Variants in GPHN observed in about 807,000 individuals in gnomAD.
GPHN encodes gephyrin.
GPHN carries 17 observed loss-of-function variants against 95.5 expected under a neutral mutation model. The observed-to-expected ratio is 0.18, with a 90% confidence interval of 0.12 to 0.27. GPHN has a LOEUF of 0.27. Ranked by LOEUF, GPHN falls within the 10% of genes least tolerant of loss-of-function variation. The probability of loss-of-function intolerance (pLI) is 1.00; values close to 1 mark genes in which losing one functional copy is unlikely to be tolerated. For synonymous variants in GPHN, 320 were observed against 322.5 expected (o/e 0.99, Z 0.08); for missense variants, 660 against 978.1 (o/e 0.67, Z 4.34).
chr14:66,687,584 G>T (rs2067471942), intron 2 of GPHN, among the ~76,000 whole-genome samples: 2 of 150,554 alleles, frequency 1.3e-5, no homozygotes, highest in South Asian at 4.2e-4. Context: ...TCGCCTCCTG[G>T]GTTCAAGCGG....
intron 3 of GPHN, among the ~76,000 whole-genome samples, chr14:66,809,524 T>C (rs1401360992): frequency 1.3e-5 from 2 of 152,196 alleles, no homozygotes; most frequent in Non-Finnish European, 2.9e-5. Flanking sequence ...GGTTTTCACT[T>C]AGACAGCTTC....
At chr14:67,291,714 T>C in the GPHN span, among the ~76,000 whole-genome samples, 2 of 152,254 alleles carry the variant, frequency 1.3e-5, no homozygotes, top group African/African-American at 4.8e-5. Context: ...GAGACTCACA[T>C]ATTCATTAGA....
At chr14:66,773,280 C>A (rs1325274324) in intron 2 of GPHN, among the ~76,000 whole-genome samples, 1 of 151,064 alleles carries the variant, frequency 6.6e-6, no homozygotes, top group Admixed American at 6.6e-5. Context: ...ATATTAGACA[C>A]AAGAAAATAA....
the GPHN span, chr14:67,581,839 G>T: frequency 4.2e-3 from 2,105 of 501,420 alleles, 24 homozygotes; most frequent in South Asian, 0.016. Context: ...AAGCTTAATG[G>T]TATCTTCAGA....
At chr14:67,383,978 C>G in the GPHN span, 1 of 162,484 alleles carries the variant, frequency 6.2e-6, no homozygotes, top group African/African-American at 2.4e-5. Flanking sequence ...TAAAGGATCT[C>G]TATAACAGAT....
At chr14:67,680,920 A>C in the GPHN span, among the ~76,000 whole-genome samples, 10 of 152,244 alleles carry the variant, frequency 6.6e-5, no homozygotes, top group Non-Finnish European at 1.5e-4. Context: ...GCATAAGGAC[A>C]GACATACAAA....
the GPHN span, chr14:67,695,803 CG>C: frequency 8.9e-7 from 1 of 1,127,720 alleles, no homozygotes; most frequent in Non-Finnish European, 1.3e-6. Context: ...TGCGACAGCC[CG>C]GGGAGCAGAC....
At chr14:67,393,727 T>TA in the GPHN span, among the ~76,000 whole-genome samples, 1 of 152,092 alleles carries the variant, frequency 6.6e-6, no homozygotes, top group African/African-American at 2.4e-5. Context: ...GTACTGGGAT[T>TA]ACAGGTGTGA....
intron 19 of GPHN, among the ~76,000 whole-genome samples, chr14:67,160,157 G>T (rs1214073409): frequency 6.6e-6 from 1 of 152,102 alleles, no homozygotes; most frequent in Non-Finnish European, 1.5e-5. Context: ...TATTAAATGA[G>T]AACATTTTCT....
chr14:66,784,269 T>A (rs1199157898), intron 3 of GPHN, among the ~76,000 whole-genome samples: 1 of 152,174 alleles, frequency 6.6e-6, no homozygotes, highest in Non-Finnish European at 1.5e-5. Context: ...GGCACAACAT[T>A]TTTCAAGTGC....
At chr14:67,183,914 A>G (rs1055275624), downstream of GPHN, among the ~76,000 whole-genome samples, 25 of 151,316 alleles carry the variant, frequency 1.7e-4, no homozygotes, top group Admixed American at 1.3e-3. Flanking sequence ...GTGCAGTGGC[A>G]TGATCTCAAC....
chr14:67,638,602 A>T, the GPHN span, among the ~76,000 whole-genome samples: 1 of 152,188 alleles, frequency 6.6e-6, no homozygotes, highest in Non-Finnish European at 1.5e-5. Flanking sequence ...CCTGGCACTG[A>T]AACTGTGCAA....
the GPHN span, chr14:67,691,215 T>C: frequency 6.6e-5 from 107 of 1,613,850 alleles, no homozygotes; most frequent in Non-Finnish European, 8.4e-5. Context: ...ACTCCTGCAT[T>C]GTTGATCAAA....
chr14:67,148,829 G>A (rs939005048), intron 18 of GPHN, among the ~76,000 whole-genome samples: 2 of 151,620 alleles, frequency 1.3e-5, no homozygotes, highest in Non-Finnish European at 2.9e-5. Context: ...GCCTCCCAAA[G>A]TGCTGGGATT....
the GPHN span, among the ~76,000 whole-genome samples, chr14:67,273,499 C>T: frequency 6.6e-6 from 1 of 152,190 alleles, no homozygotes; most frequent in Non-Finnish European, 1.5e-5. Context: ...ATGTGTGCCA[C>T]ATTTTCTTAA....
At chr14:67,194,322 C>T in the GPHN span, among the ~76,000 whole-genome samples, 2 of 151,508 alleles carry the variant, frequency 1.3e-5, no homozygotes, top group Admixed American at 1.3e-4. Flanking sequence ...CAAGATCACT[C>T]CATTGCACTC....
intron 9 of GPHN, among the ~76,000 whole-genome samples, chr14:67,007,813 T>C (rs1230814376): frequency 3.3e-5 from 5 of 152,136 alleles, no homozygotes; most frequent in African/African-American, 7.2e-5. Context: ...TCATATGTCC[T>C]GGTAGCTGCA....
chr14:67,485,810 C>CTCGAGCTTG, the GPHN span, among the ~76,000 whole-genome samples: 1 of 152,242 alleles, frequency 6.6e-6, no homozygotes, highest in African/African-American at 2.4e-5. Context: ...CTCACCCTAC[C>CTCGAGCTTG]TCGAGCTTGT....
Position 67,181,206 on chromosome 14 carries a change from A to C in GPHN, c.*269A>C, listed in dbSNP as rs1025675605. 3.9e-5 allele frequency: 20 copies of C among 512,344 alleles called. No homozygotes were observed. The Admixed American group carries it at 6.1e-4, about 16-fold the overall frequency. 31.7% of individuals were successfully genotyped at this position (512,344 alleles called of 1,614,324 possible). ...TTGTGTGTTCAATGCTAGGTCTGAT[A>C]GCGATAGCTTTTAGTAGACAGCGGT... On this transcript the variant is annotated 3_prime_UTR_variant, in exon 23 of 23. Coordinates refer to ENST00000478722, the MANE Select transcript of GPHN (RefSeq NM_020806.5).
Sources: gnomAD v4.1 joint callset for allele counts (sites outside exome capture counted in the v4.1 genomes callset) on GRCh38, gnomAD v4.1.1 for gene constraint, MANE v1.5 for transcripts, NCBI Gene and HGNC (gene_info 2026-07-23, HGNC 2026-07-21) for gene names.